Variants in WTIP observed in about 807,000 individuals in gnomAD.
WTIP encodes the protein WT1 interacting protein.
In WTIP, 23 loss-of-function variants were observed where a neutral mutation model predicts 41.7. The observed-to-expected ratio is 0.55, with a 90% CI of 0.40 to 0.78. The LOEUF (loss-of-function observed/expected upper bound fraction) is 0.78. WTIP is among the 30% of genes least tolerant of loss of function. The pLI is 0.00. For synonymous variants in WTIP, 314 were observed against 269.9 expected (o/e 1.16, Z -1.60); for missense variants, 619 against 610.5 (o/e 1.01, Z -0.15).
intron 6 of WTIP, among the ~76,000 whole-genome samples, chr19:34,495,320 C>A (rs1346396297): frequency 6.6e-6 from 1 of 152,098 alleles, no homozygotes; most frequent in African/African-American, 2.4e-5. Context: ...TTGCTTGAGC[C>A]CAGGAGTTTG....
At chr19:34,492,107 C>CT (rs71165662) in intron 2 of WTIP, among the ~76,000 whole-genome samples, 61 of 100,532 alleles carry the variant, frequency 6.1e-4, no homozygotes, top group South Asian at 5.2e-3. Flanking sequence ...TGTTCAATGT[C>CT]TTTTTTTTTT....
In WTIP at chr19:34,490,496, T is replaced by G; in HGVS notation, c.769+19T>G. ...TCGTGTGGTAGGTAACCTCGTGCCC[T>G]GGGTAGCTCTGTGAAGGGGACCTGC... is the stretch of plus-strand genomic sequence containing the variant. On this transcript the variant is annotated intron_variant, in intron 2 of 7. Transcript: ENST00000590071. 1 of 1,611,046 alleles carries G rather than the reference T, an allele frequency of 6.2e-7. No homozygotes were observed. The highest frequency in any genetic ancestry group is 8.5e-7 in the Non-Finnish European group (1 of 1,177,342).
chr19:34,500,446 C>A lies in WTIP; in HGVS notation c.*177C>A. On this transcript the variant is annotated 3_prime_UTR_variant, in exon 8 of 8. Coordinates refer to ENST00000590071, the MANE Select transcript of WTIP (RefSeq NM_001080436.2). ...TATTTATTCACCGTCTGTGCCTGCT[C>A]AAGTCACTTCCCTGCGGGCCCTGCC... is the stretch of plus-strand genomic sequence containing the variant. 1 of 904,550 alleles carries A rather than the reference C, an allele frequency of 1.1e-6. No individual in the cohort carries two copies. Among genetic ancestry groups the A allele is most frequent in the Non-Finnish European group, 1.6e-6 (1 of 636,990 alleles). 56.0% of individuals were successfully genotyped at this position (904,550 alleles called of 1,614,324 possible). A position where few individuals can be genotyped will look rare whatever the true frequency, so the allele number is the denominator to read the frequency against.
Position 34,493,218 on chromosome 19 carries a change from T to C in WTIP, c.838-45T>C. 2 of 1,613,106 alleles carry C rather than the reference T, an allele frequency of 1.2e-6. No homozygotes were observed. Among genetic ancestry groups the C allele is most frequent in the South Asian group, 1.1e-5 (1 of 91,056 alleles). On this transcript the variant is annotated intron_variant, in intron 3 of 7. Transcript: ENST00000590071. This position sits in a 1 kb window ranked among gnomAD's most constrained non-coding sequence, Gnocchi z 4.1. ...AGGCAGGTGCTAGCTGGGCCGCGAGTGCCCCTTTGTCACACAATGTCCTGG... is the reference window on the plus strand; with the variant it reads ...AGGCAGGTGCTAGCTGGGCCGCGAGCGCCCCTTTGTCACACAATGTCCTGG...
rs10611262 is a variant in WTIP at position 34,483,183 on chromosome 19, C to CT, written c.667+563dup. 2.0e-3 allele frequency among the ~76,000 whole-genome samples: 203 copies of CT among 102,582 alleles called. 2 individuals carry two copies. In the South Asian group the frequency reaches 0.024, roughly 12 times the overall value. The allele number at this position is 102,582 out of a possible 152,430, so 67.3% of individuals were successfully genotyped here. ...CCATGCCCAGCTTTTCTTCTTCTTA[C>CT]TTTTTTTTTTTTTTTTTTTTTGTAG... is the stretch of plus-strand genomic sequence containing the variant. On this transcript the variant is annotated intron_variant, in intron 1 of 7. Coordinates refer to ENST00000590071, the MANE Select transcript of WTIP (RefSeq NM_001080436.2).
At position 34,482,210 on chromosome 19, in the gene WTIP, C is replaced by T. The variant is rs1296821470; in HGVS notation, c.236C>T (p.Pro79Leu). The T allele has an allele frequency of 4.5e-5, 51 of 1,136,082 alleles. No homozygotes were observed. Among genetic ancestry groups the T allele is most frequent in the Non-Finnish European group, 4.7e-5 (44 of 929,924 alleles). The allele number at this position is 1,136,082 out of a possible 1,614,324, so 70.4% of individuals were successfully genotyped here. Residue 79 changes from proline to leucine, a missense_variant, in exon 1 of 8, where the codon CCG (proline) becomes CTG (leucine). By Grantham distance (98) the Pro-to-Leu change is moderately conservative (BLOSUM62 -3). This residue lies in a region of WTIP where 363 missense variants were observed against 309.0 expected (regional missense o/e 1.17). Coordinates refer to ENST00000590071, the MANE Select transcript of WTIP (RefSeq NM_001080436.2). The part of the protein sequence containing the change: ...GERGPRRAAV[P>L]ELSAQPAGSP... ...CGGGGTCCCCGGCGCGCGGCGGTTC[C>T]GGAGCTCAGCGCGCAGCCTGCGGGC...
At chr19:34,488,900 T>TA (rs34016783) in intron 1 of WTIP, among the ~76,000 whole-genome samples, 114,228 of 124,646 alleles carry the variant, frequency 0.92, 52,280 homozygotes, top group African/African-American at 0.93. Context: ...GAGACTCTCC[T>TA]AAAAAAAAAA....
chr19:34,498,452 GGTTGTGGTT>G (rs372311649), intron 7 of WTIP: 1 of 152,786 alleles, frequency 6.5e-6, no homozygotes, highest in Middle Eastern at 3.4e-3. Context: ...GGGGCTGCCA[GGTTGTGGTT>G]GTCTTCACTT....
rs1413862276 is a variant in WTIP at position 34,482,192 on chromosome 19, C to T, written c.218C>T (p.Pro73Leu). Residue 73 changes from proline to leucine, a missense_variant, in exon 1 of 8, where the codon CCC (proline) becomes CTC (leucine). Around this residue, in one of 3 missense-constraint regions of WTIP, gnomAD observed 363 missense variants for 309.0 expected, o/e 1.17. Coordinates refer to ENST00000590071, the MANE Select transcript of WTIP (RefSeq NM_001080436.2). ...GGACTGAGCCGCGGGGAGCGGGGTCCCCGGCGCGCGGCGGTTCCGGAGCTC... is the reference window on the plus strand; with the variant it reads ...GGACTGAGCCGCGGGGAGCGGGGTCTCCGGCGCGCGGCGGTTCCGGAGCTC... ...ADGLSRGERG[P>L]RRAAVPELSA... 3 of 1,108,278 alleles carry T rather than the reference C, an allele frequency of 2.7e-6. No individual in the cohort carries two copies. Among genetic ancestry groups the T allele is most frequent in the East Asian group, 5.5e-5 (1 of 18,344 alleles). 68.7% of individuals were successfully genotyped at this position (1,108,278 alleles called of 1,614,324 possible).
rs551506963 is a variant in WTIP, at chr19:34,495,688, C to T, written c.1084-15C>T. ...CCACATGCTCATCGTGTGTGAACTC[C>T]TTCTCTTCCTCCAGGGCTGCGAGAC... On this transcript the variant is annotated splice_polypyrimidine_tract_variant and intron_variant, in intron 6 of 7. Coordinates refer to ENST00000590071, the MANE Select transcript of WTIP (RefSeq NM_001080436.2). 6.2e-7 allele frequency: 1 copy of T among 1,613,558 alleles called. No homozygotes were observed. The highest frequency in any genetic ancestry group is 8.5e-7 in the Non-Finnish European group (1 of 1,179,686).
chr19:34,483,587 C>T (rs1355083794), intron 1 of WTIP, among the ~76,000 whole-genome samples: 1 of 152,182 alleles, frequency 6.6e-6, no homozygotes, highest in African/African-American at 2.4e-5. Flanking sequence ...GGGCTGCCCT[C>T]GCCCGGACTG....
At chr19:34,486,827 T>C (rs925991371) in intron 1 of WTIP, among the ~76,000 whole-genome samples, 5 of 152,188 alleles carry the variant, frequency 3.3e-5, no homozygotes, top group African/African-American at 1.2e-4. Context: ...CATGTGGGTC[T>C]GACTCTCCTG....
Position 34,482,338 on chromosome 19 carries a change from C to A in WTIP, c.364C>A (p.Arg122Ser), listed in dbSNP as rs2075771844. The A allele has an allele frequency of 7.2e-7, 1 of 1,384,526 alleles. No individual in the cohort carries two copies. The highest frequency in any genetic ancestry group is 9.4e-7 in the Non-Finnish European group (1 of 1,063,440). The allele number at this position is 1,384,526 out of a possible 1,614,324, so 85.8% of individuals were successfully genotyped here. A position where few individuals can be genotyped will look rare whatever the true frequency, so the allele number is the denominator to read the frequency against. ...LGYDQRHGSP[R>S]SGRSDPRPGP... Reference sequence around the variant, plus strand: ...CTACGACCAGCGCCACGGCAGCCCGCGCTCCGGTCGCTCGGACCCGCGTCC... The same window carrying A: ...CTACGACCAGCGCCACGGCAGCCCGAGCTCCGGTCGCTCGGACCCGCGTCC... The change falls in exon 1 of 8, where the codon CGC becomes AGC. Residue 122 changes from arginine to serine, a missense_variant. Transcript: ENST00000590071.
rs937219239 is a variant in WTIP, at chr19:34,500,962, C to A, written c.*693C>A. On this transcript the variant is annotated 3_prime_UTR_variant, in exon 8 of 8. Transcript: ENST00000590071. ...GCTCCTGGCTTGGGCCCCCCGACCCCCCTGCTCAGCTCGGGAAAATCCCCG... is the reference window on the plus strand; with the variant it reads ...GCTCCTGGCTTGGGCCCCCCGACCCACCTGCTCAGCTCGGGAAAATCCCCG... 6.5e-6 allele frequency: 1 copy of A among 152,748 alleles called. No homozygotes were observed. Among genetic ancestry groups the A allele is most frequent in the East Asian group, 1.9e-4 (1 of 5,186 alleles). 9.5% of individuals were successfully genotyped at this position (152,748 alleles called of 1,614,324 possible).
Position 34,509,293 on chromosome 19 carries a change from C to T in WTIP, c.*9024C>T, listed in dbSNP as rs1335337665. On this transcript the variant is annotated 3_prime_UTR_variant, in exon 8 of 8. Transcript: ENST00000590071. Reference sequence around the variant, plus strand: ...CAGTTCCACATGGCTGGGGAGGCCTCAGCCTCCCACATGGCTGGGGAGGCC... The same window carrying T: ...CAGTTCCACATGGCTGGGGAGGCCTTAGCCTCCCACATGGCTGGGGAGGCC... 7.1e-6 allele frequency: 1 copy of T among 140,568 alleles called. No individual in the cohort carries two copies. The highest frequency in any genetic ancestry group is 1.5e-5 in the Non-Finnish European group (1 of 65,508). The allele number at this position is 140,568 out of a possible 1,614,324, so 8.7% of individuals were successfully genotyped here.
At chr19:34,488,887 A>G (rs1200312206) in intron 1 of WTIP, among the ~76,000 whole-genome samples, 3 of 123,462 alleles carry the variant, frequency 2.4e-5, no homozygotes, top group African/African-American at 9.7e-5. Context: ...TGGGCAACAG[A>G]GCGAGACTCT....
At position 34,506,702 on chromosome 19, in the gene WTIP, G is replaced by A. The variant is rs910740252; in HGVS notation, c.*6433G>A. The A allele has an allele frequency of 2.0e-5, 3 of 152,122 alleles. No homozygotes were observed. The highest frequency in any genetic ancestry group is 7.2e-5 in the African/African-American group (3 of 41,396). The allele number at this position is 152,122 out of a possible 1,614,324, so 9.4% of individuals were successfully genotyped here. On this transcript the variant is annotated 3_prime_UTR_variant, in exon 8 of 8. Transcript: ENST00000590071. The stretch of plus-strand genomic sequence containing the variant: ...TTGAACTGGGGAGACTGAGGTTGCA[G>A]TGAGCCGAGTTCACACCACTGCACT...
intron 1 of WTIP, among the ~76,000 whole-genome samples, chr19:34,485,509 T>C (rs748858870): frequency 6.6e-6 from 1 of 152,224 alleles, no homozygotes; most frequent in Non-Finnish European, 1.5e-5. Context: ...TACAGCATTT[T>C]ACAAAAGAAA....
chr19:34,489,089 C>T (rs1407708116), intron 1 of WTIP, among the ~76,000 whole-genome samples: 1 of 148,904 alleles, frequency 6.7e-6, no homozygotes, highest in Non-Finnish European at 1.5e-5. Context: ...ATCCCAGCTA[C>T]TCGGGAGGCT....
Sources: gnomAD v4.1 joint callset for allele counts (sites outside exome capture counted in the v4.1 genomes callset) on GRCh38, gnomAD v4.1.1 for gene constraint, gnomAD v4.1.1 regional missense constraint, Gnocchi (gnomAD v3.1) non-coding constraint, MANE v1.5 for transcripts, NCBI Gene and HGNC (gene_info 2026-07-23, HGNC 2026-07-21) for gene names.